Variants in PIKFYVE observed in about 807,000 individuals in gnomAD.
The protein encoded by PIKFYVE is 1-phosphatidylinositol 3-phosphate 5-kinase.
In PIKFYVE, 122 loss-of-function variants were observed where a neutral mutation model predicts 257.9. The ratio of observed to expected loss-of-function variants is 0.47; its 90% confidence interval spans 0.41 to 0.55. The LOEUF is 0.55. PIKFYVE is among the 20% of genes least tolerant of loss of function. PIKFYVE has a pLI of 0.00. For missense variants in PIKFYVE, 2,160 were observed against 2,536.6 expected, an observed-to-expected ratio of 0.85 and a Z score of 3.19; for synonymous variants, 892 against 868.9, an observed-to-expected ratio of 1.03 and a Z score of -0.47.
intron 3 of PIKFYVE, among the ~76,000 whole-genome samples, chr2:208,274,416 G>C (rs1472409250): frequency 6.6e-6 from 1 of 152,200 alleles, no homozygotes; most frequent in Non-Finnish European, 1.5e-5. Flanking sequence ...AGGTGACAAA[G>C]GAAGTGGGAG....
intron 35 of PIKFYVE, among the ~76,000 whole-genome samples, chr2:208,349,032 G>A (rs533723453): frequency 2.8e-4 from 42 of 152,028 alleles, no homozygotes; most frequent in African/African-American, 9.4e-4. Context: ...GCCTGGTGGC[G>A]CATGCCTGTA....
chr2:208,286,769 C>T (rs892381688), intron 6 of PIKFYVE, among the ~76,000 whole-genome samples: 1 of 151,886 alleles, frequency 6.6e-6, no homozygotes, highest in African/African-American at 2.4e-5. Context: ...ATCCTCCCAC[C>T]TCAGCTTCCC....
chr2:208,282,377 C>T (rs563035252), intron 5 of PIKFYVE, among the ~76,000 whole-genome samples: 1 of 152,258 alleles, frequency 6.6e-6, no homozygotes, highest in South Asian at 2.1e-4. Flanking sequence ...TTAAGGTTCT[C>T]CAGAGAAACA....
intron 28 of PIKFYVE, 104 bp from the exon 29 acceptor site, chr2:208,338,404 A>T: frequency 1.0e-6 from 1 of 955,642 alleles, no homozygotes; most frequent in Non-Finnish European, 1.7e-6. Flanking sequence ...TTAACGGTAT[A>T]AATGGGTCCT....
rs1699392591 is a variant in PIKFYVE at position 208,347,974 on chromosome 2, T to C, written c.5325T>C (p.Val1775=). ...GAGCAGATAGTGCTTACTACCAGGT[T>C]GGGCAGACGGGCAAGGAGGGGACCG... ...LRGADSAYYQ[V]GQTGKEGTEN... Residue 1775 remains valine (V), a synonymous_variant, in exon 35 of 42, where the codon GTT becomes GTC. Transcript: ENST00000264380. The C allele has an allele frequency of 1.2e-6, 2 of 1,614,068 alleles. No individual in the cohort carries two copies. The highest frequency in any genetic ancestry group is 8.5e-7 in the Non-Finnish European group (1 of 1,180,032).
Position 208,304,971 on chromosome 2 carries a change from T to TC in PIKFYVE, c.1596dup (p.Lys533GlnfsTer11), listed in dbSNP as rs1431677765. ...CGTGAACTTCCATATCAAGAAGCCC[T>TC]CCAAGTACCCACATGTGCCCCCTCA... On this transcript the variant is annotated frameshift_variant, in exon 12 of 42. Coordinates refer to ENST00000264380, the MANE Select transcript of PIKFYVE (RefSeq NM_015040.4). LOFTEE classifies it high-confidence loss of function. The TC allele has an allele frequency of 6.2e-7, 1 of 1,613,908 alleles. No homozygotes were observed. The highest frequency in any genetic ancestry group is 8.5e-7 in the Non-Finnish European group (1 of 1,179,992).
Position 208,339,420 on chromosome 2 carries a change from G to A in PIKFYVE, c.4675G>A (p.Asp1559Asn). 6.2e-7 allele frequency: 1 copy of A among 1,614,086 alleles called. No homozygotes were observed. The highest frequency in any genetic ancestry group is 8.5e-7 in the Non-Finnish European group (1 of 1,179,968). The change falls in exon 30 of 42, where the codon GAT becomes AAT. Residue 1559 changes from aspartate to asparagine, a missense_variant and splice_region_variant. Transcript: ENST00000264380. ...TTTAAGATTGTGTTTTTCTTTAGAG[G>A]ATCGCTTCTTAACAACTTTGTCCAG... ...SPGLQNGEKE[D>N]RFLTTLSSQS...
At chr2:208,305,365 A>G (rs1694196752) in intron 12 of PIKFYVE, 1 of 1,137,332 alleles carries the variant, frequency 8.8e-7, no homozygotes, top group Non-Finnish European at 1.1e-6. Context: ...TTCTTCATTT[A>G]ACATTTTAAA....
chr2:208,327,035 G>A (rs576399648), intron 20 of PIKFYVE, among the ~76,000 whole-genome samples: 15 of 152,136 alleles, frequency 9.9e-5, no homozygotes, highest in African/African-American at 2.9e-4. Context: ...TTAATAAAAC[G>A]AGAAGATGTC....
At chr2:208,317,228 T>C (rs952695939) in intron 15 of PIKFYVE, among the ~76,000 whole-genome samples, 5 of 151,824 alleles carry the variant, frequency 3.3e-5, no homozygotes, top group Non-Finnish European at 5.9e-5. Flanking sequence ...TTTCGCAACC[T>C]ACTCATCTGA....
chr2:208,274,506 C>T (rs1689852299), intron 3 of PIKFYVE, among the ~76,000 whole-genome samples: 1 of 152,178 alleles, frequency 6.6e-6, no homozygotes, highest in South Asian at 2.1e-4. Context: ...TGTGGCTGAT[C>T]TTCCCCCAGA....
Position 208,304,290 on chromosome 2 carries a change from A to T in PIKFYVE, c.1440A>T (p.Ile480=), listed in dbSNP as rs140144004. The change falls in exon 11 of 42, where the codon ATA becomes ATT. Residue 480 remains isoleucine, a synonymous_variant. Transcript: ENST00000264380. ...IKFDDSDTEQ[I]AEEGDDNLAN... ...TTGATGACAGTGACACAGAACAGAT[A>T]GCTGAAGAAGGTGACGATAATTTGG... The T allele has an allele frequency of 2.0e-5, 33 of 1,614,102 alleles. No individual in the cohort carries two copies. Among genetic ancestry groups the T allele is most frequent in the Non-Finnish European group, 2.6e-5 (31 of 1,180,020 alleles).
In PIKFYVE at chr2:208,312,749, A is replaced by G. The variant is rs375903084; in HGVS notation, c.1696+454A>G. 3.3e-5 allele frequency among the ~76,000 whole-genome samples: 5 copies of G among 151,962 alleles called. No homozygotes were observed. In the East Asian group the frequency reaches 5.8e-4, roughly 18 times the overall value. The stretch of plus-strand genomic sequence containing the variant: ...AGGTTAAAGAACTAACTCTGATGAT[A>G]AATTTCTTTTGGACACAAAAGGAGA... On this transcript the variant is annotated intron_variant, in intron 13 of 41. Coordinates refer to ENST00000264380, the MANE Select transcript of PIKFYVE (RefSeq NM_015040.4).
chr2:208,328,975 A>G (rs887744227), intron 21 of PIKFYVE, among the ~76,000 whole-genome samples: 1 of 152,214 alleles, frequency 6.6e-6, no homozygotes, highest in African/African-American at 2.4e-5. Flanking sequence ...GTTTTCCTTC[A>G]GGCATAATTT....
chr2:208,285,023 A>G (rs1691364428), intron 5 of PIKFYVE, among the ~76,000 whole-genome samples: 1 of 152,042 alleles, frequency 6.6e-6, no homozygotes, highest in Non-Finnish European at 1.5e-5. Flanking sequence ...CCTGGAAAAA[A>G]ATACTCTTTT....
Position 208,351,452 on chromosome 2 carries a change from A to G in PIKFYVE, c.5712A>G (p.Gln1904=), listed in dbSNP as rs114115568. The change falls in exon 38 of 42, where the codon CAA becomes CAG. Residue 1904 remains glutamine (Q), a synonymous_variant. Transcript: ENST00000264380. ...YFNYITNAVQ[Q]KRPTALAKIL... ...ATTATATTACAAATGCTGTTCAACAAAAGGTAGAAATCTAAAACCATGGTC... is the reference window on the plus strand; with the variant it reads ...ATTATATTACAAATGCTGTTCAACAGAAGGTAGAAATCTAAAACCATGGTC... 422 of 1,604,046 alleles carry G rather than the reference A, an allele frequency of 2.6e-4. 3 individuals carry two copies. In the African/African-American group the frequency reaches 4.8e-3, roughly 18 times the overall value.
rs866147907 is a variant in PIKFYVE at position 208,267,421 on chromosome 2, G to C, written c.-10+1006G>C. ...GCTCTGGTTTTCCTTTAAGCGTGTT[G>C]GTCAAAAATTGAACAAGAAATCTTT... On this transcript the variant is annotated intron_variant, in intron 1 of 41. Coordinates refer to ENST00000264380, the MANE Select transcript of PIKFYVE (RefSeq NM_015040.4). Among the ~76,000 whole-genome samples the C allele has an allele frequency of 2.6e-5, 4 of 151,274 alleles. No individual in the cohort carries two copies. The South Asian group carries it at 6.3e-4, about 24-fold the overall frequency.
At position 208,328,196 on chromosome 2, in the gene PIKFYVE, C is replaced by T. The variant is rs1273268722; in HGVS notation, c.3635C>T (p.Pro1212Leu). Residue 1212 changes from proline to leucine, a missense_variant, in exon 21 of 42, where the codon CCC becomes CTC. By Grantham distance (98) the Pro-to-Leu change is moderately conservative. Transcript: ENST00000264380. The stretch of plus-strand genomic sequence containing the variant: ...CTATTTCAGGTGGACTGTCTGAATC[C>T]CATTAATCACCAGAGACTTTGTGTG... ...VWSTKVDCLNPINHQRLCVLF... is the reference protein window; with the variant it reads ...VWSTKVDCLNLINHQRLCVLF... 1 of 1,613,702 alleles carries T rather than the reference C, an allele frequency of 6.2e-7. No individual in the cohort carries two copies. Among genetic ancestry groups the T allele is most frequent in the Non-Finnish European group, 8.5e-7 (1 of 1,179,774 alleles).
intron 38 of PIKFYVE, among the ~76,000 whole-genome samples, chr2:208,352,057 C>T (rs370943425): frequency 6.6e-6 from 1 of 152,062 alleles, no homozygotes; most frequent in Admixed American, 6.6e-5. Context: ...ATATTTCCTG[C>T]GTTTGTTAGT....
Sources: gnomAD v4.1 joint callset for allele counts (sites outside exome capture counted in the v4.1 genomes callset) on GRCh38, gnomAD v4.1.1 for gene constraint, MANE v1.5 for transcripts, NCBI Gene and HGNC (gene_info 2026-07-23, HGNC 2026-07-21) for gene names.